Variants in POLDIP2 observed in about 807,000 individuals in gnomAD.
The protein encoded by POLDIP2 is polymerase delta-interacting protein 2.
Under a neutral mutation model 52.9 loss-of-function variants are expected in POLDIP2, and 32 were observed. The observed-to-expected ratio is 0.61, with a 90% CI of 0.46 to 0.81. The LOEUF is 0.81. POLDIP2 is among the 40% of genes least tolerant of loss of function. The pLI is 0.00. For synonymous variants in POLDIP2, 183 were observed against 183.0 expected (o/e 1.00, Z 0.00); for missense variants, 371 against 477.3 (o/e 0.78, Z 2.07).
chr17:28,351,557 C>T (rs1437728841), intron 7 of POLDIP2, 107 bp downstream of exon 7: 33 of 1,093,464 alleles, frequency 3.0e-5, no homozygotes, highest in Non-Finnish European at 3.9e-5. Flanking sequence ...AGCAGAACCA[C>T]AGGGACATGG....
At chr17:28,356,522 T>C (rs1908037297) in intron 1 of POLDIP2, among the ~76,000 whole-genome samples, 1 of 152,188 alleles carries the variant, frequency 6.6e-6, no homozygotes, top group African/African-American at 2.4e-5. Flanking sequence ...ATCTCTAGAT[T>C]TCCTACGGCA....
chr17:28,348,356 A>G, intron 10 of POLDIP2, 125 bp from the exon 11 acceptor site: 2 of 628,850 alleles, frequency 3.2e-6, no homozygotes, highest in Non-Finnish European at 5.7e-6. Flanking sequence ...TTCTATCTCT[A>G]GCTCATGACA....
rs1274800340 is a variant in POLDIP2, at chr17:28,351,820, G to A, written c.623-20C>T. 3 of 1,610,290 alleles carry A rather than the reference G, an allele frequency of 1.9e-6. No homozygotes were observed. Among genetic ancestry groups the A allele is most frequent in the Non-Finnish European group, 2.5e-6 (3 of 1,176,966 alleles). On this transcript the variant is annotated intron_variant, in intron 6 of 10. Transcript: ENST00000540200. ...GAGGTGCTGGGGCAAGATACAATTG[G>A]TTAGTCCAATTGTGTGTTGTGGATA... is the stretch of plus-strand genomic sequence containing the variant.
rs1555580363 is a variant in POLDIP2, at chr17:28,353,287, G to A, written c.468C>T (p.Thr156=). Residue 156 remains threonine, a synonymous_variant, in exon 5 of 11, where the codon ACC becomes ACT. Coordinates refer to ENST00000540200, the MANE Select transcript of POLDIP2 (RefSeq NM_015584.5). ...GACTGTCATCATGGTTAGCCAAGAA[G>A]GTCACAGCTTCTGTCTGAGATCTCT... ...ISQRSQTEAV[T]FLANHDDSRA... 7 of 1,595,650 alleles carry A rather than the reference G, an allele frequency of 4.4e-6. No individual in the cohort carries two copies. In the African/African-American group the frequency reaches 5.4e-5, roughly 12 times the overall value.
Position 28,357,283 on chromosome 17 carries a change from C to A in POLDIP2, c.161+5G>T. 6.4e-7 allele frequency: 1 copy of A among 1,568,684 alleles called. No individual in the cohort carries two copies. The highest frequency in any genetic ancestry group is 1.1e-5 in the South Asian group (1 of 88,362). ...TTCCTCGCGCCCCCTGGCTCCGTCC[C>A]TCACCGGGACGAGAGGTGCCTCCGC... On this transcript the variant is annotated splice_donor_5th_base_variant and intron_variant, in intron 1 of 10. Coordinates refer to ENST00000540200, the MANE Select transcript of POLDIP2 (RefSeq NM_015584.5).
chr17:28,355,797 G>T lies in POLDIP2; in HGVS notation c.241C>A (p.Gln81Lys). The change falls in exon 2 of 11, where the codon CAG becomes AAG. Residue 81 changes from glutamine (Q) to lysine (K), a missense_variant and splice_region_variant. By Grantham distance (53) the Gln-to-Lys change is moderately conservative. Transcript: ENST00000540200. ...AGATGACCCAGCCCAATACTCACCT[G>T]CCCGGTCTCATATTTTCCATTCTGT... Reference protein sequence around the residue: ...PKQNGKYETGQLFLHSIFGYR... With the variant: ...PKQNGKYETGKLFLHSIFGYR... 6.2e-7 allele frequency: 1 copy of T among 1,610,058 alleles called. No homozygotes were observed. The highest frequency in any genetic ancestry group is 1.1e-5 in the South Asian group (1 of 90,250).
chr17:28,353,257 G>T lies in POLDIP2; in HGVS notation c.498C>A (p.Ala166=). The part of the protein sequence containing the change: ...TFLANHDDSR[A]LYAIPGLDYV... ...ACTACTCACCTGGGATGGCATAGAG[G>T]GCCCGACTGTCATCATGGTTAGCCA... Residue 166 remains alanine (A), a synonymous_variant, in exon 5 of 11, where the codon GCC becomes GCA. Coordinates refer to ENST00000540200, the MANE Select transcript of POLDIP2 (RefSeq NM_015584.5). The T allele has an allele frequency of 6.3e-7, 1 of 1,578,118 alleles. No homozygotes were observed. Among genetic ancestry groups the T allele is most frequent in the Non-Finnish European group, 8.7e-7 (1 of 1,149,290 alleles).
chr17:28,352,266 T>A (rs1350103374), intron 6 of POLDIP2, among the ~76,000 whole-genome samples: 1 of 134,396 alleles, frequency 7.4e-6, no homozygotes, highest in Non-Finnish European at 1.6e-5. Flanking sequence ...GGAGACGGAG[T>A]CTTGATCTGT....
rs11555978 is a variant in POLDIP2 at position 28,357,342 on chromosome 17, G to C, written c.107C>G (p.Ala36Gly). 1 of 1,575,024 alleles carries C rather than the reference G, an allele frequency of 6.3e-7. No individual in the cohort carries two copies. Among genetic ancestry groups the C allele is most frequent in the South Asian group, 1.1e-5 (1 of 88,506 alleles). Residue 36 changes from alanine (A) to glycine (G), a missense_variant, in exon 1 of 11, where the codon GCT becomes GGT. Transcript: ENST00000540200. ...GGTCGACGCTGGCGAGAAGGCTCCA[G>C]CTCCGGCCGCCGCACAGAGCGGCCT... is the stretch of plus-strand genomic sequence containing the variant. ...WPRPLCAAAG[A>G]GAFSPASTTT... is the part of the protein sequence containing the mutation.
chr17:28,356,859 T>C (rs576688174), intron 1 of POLDIP2, among the ~76,000 whole-genome samples: 1 of 152,282 alleles, frequency 6.6e-6, no homozygotes, highest in Admixed American at 6.5e-5. Context: ...CCAAAGTCAC[T>C]TGGAAACCTG....
intron 6 of POLDIP2, 123 bp from the exon 7 acceptor site, chr17:28,351,923 G>T: frequency 1.2e-6 from 1 of 842,438 alleles, no homozygotes; most frequent in Non-Finnish European, 2.0e-6. Flanking sequence ...GGTGGCCCAG[G>T]CAAACAAGGT....
In POLDIP2 at chr17:28,353,733, AGTAAGT is replaced by A. The variant is rs782796346; in HGVS notation, c.394_399del (p.Thr132_Tyr133del). 8.1e-6 allele frequency: 13 copies of A among 1,613,168 alleles called. No individual in the cohort carries two copies. The highest frequency in any genetic ancestry group is 4.4e-5 in the South Asian group (4 of 91,052). On this transcript the variant is annotated inframe_deletion, in exon 4 of 11. Coordinates refer to ENST00000540200, the MANE Select transcript of POLDIP2 (RefSeq NM_015584.5). ...TCACGAGCATCAATCAGCACCTGATAGTAAGTGTGAGTTTTGCCTTTCACCTCCTTG... is the reference window on the plus strand; with the variant it reads ...TCACGAGCATCAATCAGCACCTGATAGTGAGTTTTGCCTTTCACCTCCTTG...
chr17:28,352,237 C>CTTTTTTTTTTT (rs782311219), intron 6 of POLDIP2, among the ~76,000 whole-genome samples: 31,087 of 85,742 alleles, frequency 0.36, 7,494 homozygotes, highest in African/African-American at 0.45. Flanking sequence ...GGAATTATTT[C>CTTTTTTTTTTT]TTTTTTTTTT....
intron 2 of POLDIP2, among the ~76,000 whole-genome samples, chr17:28,355,301 C>T (rs1403015622): frequency 6.6e-6 from 1 of 152,242 alleles, no homozygotes; most frequent in Non-Finnish European, 1.5e-5. Context: ...AGAACAGAAA[C>T]CCTATCTATA....
chr17:28,347,998 C>T lies in POLDIP2; in HGVS notation c.*119G>A, dbSNP rs1907647705. ...ACCCCTCCCCACAAAAAGAACCCCA[C>T]AATCAAATTAAGAGACCCACTGTGG... On this transcript the variant is annotated 3_prime_UTR_variant, in exon 11 of 11. Transcript: ENST00000540200. 3.1e-6 allele frequency: 2 copies of T among 647,910 alleles called. No individual in the cohort carries two copies. The highest frequency in any genetic ancestry group is 5.5e-6 in the Non-Finnish European group (2 of 364,010). 40.1% of individuals were successfully genotyped at this position (647,910 alleles called of 1,614,324 possible). A position where few individuals can be genotyped will look rare whatever the true frequency, so the allele number is the denominator to read the frequency against.
At position 28,353,963 on chromosome 17, in the gene POLDIP2, G is replaced by A. The variant is rs537613872; in HGVS notation, c.342-172C>T. Among the ~76,000 whole-genome samples the A allele has an allele frequency of 2.6e-5, 4 of 152,270 alleles. No homozygotes were observed. In the East Asian group the frequency reaches 7.7e-4, roughly 29 times the overall value. On this transcript the variant is annotated intron_variant, in intron 3 of 10. Transcript: ENST00000540200. Reference sequence around the variant, plus strand: ...TCAGCTCAGCTGCTCCTCAGTTGGGGCAAATAATAGAGCATGGAAGACCAT... The same window carrying A: ...TCAGCTCAGCTGCTCCTCAGTTGGGACAAATAATAGAGCATGGAAGACCAT...
chr17:28,351,607 G>A, intron 7 of POLDIP2, 57 bp downstream of exon 7: 1 of 1,550,588 alleles, frequency 6.4e-7, no homozygotes, highest in Non-Finnish European at 8.9e-7. Context: ...TCACCTTAAG[G>A]ACACCATACA....
chr17:28,348,152 C>T lies in POLDIP2; in HGVS notation c.1072G>A (p.Asp358Asn), dbSNP rs781815010. ...IPPFSLESNK[D>N]EKTPPSGLHW ...AGGCCTGAGGGTGGTGTCTTCTCAT[C>T]TTTATTGCTTTCCAGGGAGAAGGGA... The change falls in exon 11 of 11, where the codon GAT (aspartate) becomes AAT (asparagine). Residue 358 changes from aspartate to asparagine, a missense_variant. Asp to Asn is a conservative substitution (Grantham distance 23, BLOSUM62 1). Coordinates refer to ENST00000540200, the MANE Select transcript of POLDIP2 (RefSeq NM_015584.5). 3.1e-6 allele frequency: 5 copies of T among 1,613,768 alleles called. No individual in the cohort carries two copies. In the East Asian group the frequency reaches 1.1e-4, roughly 36 times the overall value.
intron 9 of POLDIP2, 21 bp from the exon 10 acceptor site, chr17:28,349,183 T>A (rs782033038): frequency 3.1e-6 from 5 of 1,592,492 alleles, no homozygotes; most frequent in Non-Finnish European, 4.3e-6. Context: ...TTAGGCAAAA[T>A]GGGTCAGGCC....
Sources: allele counts gnomAD v4.1 joint callset (sites outside exome capture counted in the v4.1 genomes callset), GRCh38; gene constraint gnomAD v4.1.1; transcripts MANE v1.5; gene names NCBI Gene and HGNC (gene_info 2026-07-23, HGNC 2026-07-21).